COL4A3: variants seen among roughly 807,000 people sequenced by gnomAD.
COL4A3 encodes the protein collagen type IV alpha 3 chain.
A neutral mutation model predicts 217.4 loss-of-function variants in COL4A3; 135 were observed. The observed-to-expected ratio is 0.62, with a 90% CI of 0.54 to 0.72. The LOEUF is 0.72. Among genes scored for constraint, COL4A3 ranks in the 30% least tolerant of loss-of-function variants. COL4A3 has a pLI of 0.00. For synonymous variants in COL4A3, 690 were observed against 736.3 expected (o/e 0.94, Z 1.02); for missense variants, 1,868 against 2,119.9 (o/e 0.88, Z 2.33).
rs1274565571 is a variant in COL4A3, at chr2:227,164,690, TC to T, written c.-33del. The T allele has an allele frequency of 6.5e-7, 1 of 1,528,404 alleles. No homozygotes were observed. Among genetic ancestry groups the T allele is most frequent in the Non-Finnish European group, 8.7e-7 (1 of 1,144,540 alleles). The allele number at this position is 1,528,404 out of a possible 1,614,324, so 94.7% of individuals were successfully genotyped here. ...ACGCGGTGGCCTGAGAGCCTGAGGGTCCCCGGACTCGCCCAGGCTCTGAGCG... is the reference window on the plus strand; with the variant it reads ...ACGCGGTGGCCTGAGAGCCTGAGGGTCCCGGACTCGCCCAGGCTCTGAGCG... On this transcript the variant is annotated 5_prime_UTR_variant, in exon 1 of 52. Coordinates refer to ENST00000396578, the MANE Select transcript of COL4A3 (RefSeq NM_000091.5). The surrounding 1 kb of genome is among the most constrained non-coding windows in gnomAD (Gnocchi z 4.8).
intron 1 of COL4A3, among the ~76,000 whole-genome samples, chr2:227,208,001 G>T (rs986487303): frequency 7.9e-5 from 12 of 152,066 alleles, no homozygotes; most frequent in African/African-American, 2.7e-4. Flanking sequence ...TTGGAGTATT[G>T]GTTACTCTCT....
chr2:227,265,088 A>G (rs1440300466), intron 21 of COL4A3: 1 of 152,238 alleles, frequency 6.6e-6, no homozygotes, highest in Admixed American at 6.5e-5. Context: ...TTGAGGTCAA[A>G]GACTGTGTCT....
At chr2:227,225,570 T>C (rs13396314) in intron 1 of COL4A3, among the ~76,000 whole-genome samples, 12,877 of 152,022 alleles carry the variant, frequency 0.085, 851 homozygotes, top group African/African-American at 0.18. Flanking sequence ...GTGTGGCTAA[T>C]TTAGTGGTTC....
At chr2:227,236,238 T>C (rs1040153624) in intron 1 of COL4A3, among the ~76,000 whole-genome samples, 1 of 152,258 alleles carries the variant, frequency 6.6e-6, no homozygotes, top group Non-Finnish European at 1.5e-5. Context: ...GTATAATGAC[T>C]TATTTTCCTC....
intron 1 of COL4A3, among the ~76,000 whole-genome samples, chr2:227,214,386 A>T (rs191873713): frequency 7.4e-4 from 112 of 152,348 alleles, no homozygotes; most frequent in Admixed American, 1.0e-3. Context: ...CCTGTGTTAT[A>T]TATAGAGAAG....
At chr2:227,269,111 C>T (rs2071090080) in intron 23 of COL4A3, among the ~76,000 whole-genome samples, 1 of 152,066 alleles carries the variant, frequency 6.6e-6, no homozygotes, top group South Asian at 2.1e-4. Context: ...CCCAGAAGGT[C>T]ATTTAAAGGG....
intron 46 of COL4A3, 129 bp from the exon 47 acceptor site, chr2:227,304,856 C>A (rs2073437820): frequency 1.3e-6 from 1 of 773,318 alleles, no homozygotes; most frequent in Non-Finnish European, 2.2e-6. Context: ...TTGCCCAGGA[C>A]TGAGGATCTT....
chr2:227,185,855 C>A (rs931798851), intron 1 of COL4A3, among the ~76,000 whole-genome samples: 6 of 152,338 alleles, frequency 3.9e-5, no homozygotes, highest in African/African-American at 1.4e-4. Flanking sequence ...GTTGTAGCAT[C>A]TCAGTTCATT....
At chr2:227,257,993 CG>C (rs2070300833) in intron 18 of COL4A3, among the ~76,000 whole-genome samples, 1 of 152,142 alleles carries the variant, frequency 6.6e-6, no homozygotes, top group South Asian at 2.1e-4. Flanking sequence ...CACCTGGGCC[CG>C]GGTTATGACA....
chr2:227,306,892 G>A (rs2073526856), intron 47 of COL4A3, among the ~76,000 whole-genome samples: 6 of 152,064 alleles, frequency 3.9e-5, no homozygotes, highest in Admixed American at 3.3e-4. Flanking sequence ...AGCGTACAGT[G>A]GCAGCAGAAA....
chr2:227,219,002 CT>C (rs11461831), intron 1 of COL4A3, among the ~76,000 whole-genome samples: 24 of 147,862 alleles, frequency 1.6e-4, no homozygotes, highest in South Asian at 2.1e-4. Flanking sequence ...CCCATTATTT[CT>C]TTTTTTTTTT....
intron 6 of COL4A3, chr2:227,246,336 T>C: frequency 2.0e-6 from 1 of 505,434 alleles, no homozygotes; most frequent in Non-Finnish European, 3.6e-6. Flanking sequence ...ACTGAGCTTT[T>C]CACTGTTCAC....
At chr2:227,190,849 G>T (rs1320385629) in intron 1 of COL4A3, among the ~76,000 whole-genome samples, 3 of 152,214 alleles carry the variant, frequency 2.0e-5, no homozygotes, top group Non-Finnish European at 4.4e-5. Flanking sequence ...GAAGGTTTCA[G>T]TGAGCCAAGA....
rs927237679 is a variant in COL4A3 at position 227,302,982 on chromosome 2, G to A, written c.3883-56G>A. ...ATTTGCATTTTTAAAAAACTGCTGT[G>A]AATTGAGTGATTTTAAAAATTTGTT... is the stretch of plus-strand genomic sequence containing the variant. On this transcript the variant is annotated intron_variant, in intron 43 of 51. Transcript: ENST00000396578. 9 of 1,164,902 alleles carry A rather than the reference G, an allele frequency of 7.7e-6. No homozygotes were observed. In the Admixed American group the frequency reaches 1.4e-4, roughly 17 times the overall value. The allele number at this position is 1,164,902 out of a possible 1,614,324, so 72.2% of individuals were successfully genotyped here. A position where few individuals can be genotyped will look rare whatever the true frequency, so the allele number is the denominator to read the frequency against.
At chr2:227,236,225 T>C (rs147508365) in intron 1 of COL4A3, among the ~76,000 whole-genome samples, 10 of 152,372 alleles carry the variant, frequency 6.6e-5, no homozygotes, top group African/African-American at 2.4e-4. Flanking sequence ...AAGTGTATTT[T>C]TCGTATAATG....
intron 1 of COL4A3, among the ~76,000 whole-genome samples, chr2:227,235,812 C>T: frequency 7.7e-6 from 1 of 129,400 alleles, no homozygotes; most frequent in African/African-American, 3.0e-5. Flanking sequence ...TTGCTCTTGT[C>T]ACCCAGGCTT....
chr2:227,177,569 A>T (rs891855416), intron 1 of COL4A3, among the ~76,000 whole-genome samples: 1 of 152,172 alleles, frequency 6.6e-6, no homozygotes, highest in Non-Finnish European at 1.5e-5. Flanking sequence ...CCAATTATGT[A>T]TTTAGAAATA....
chr2:227,227,618 A>G (rs6728149), intron 1 of COL4A3, among the ~76,000 whole-genome samples: 119,484 of 151,982 alleles, frequency 0.79, 47,561 homozygotes, highest in Admixed American at 0.86. Flanking sequence ...TCAGATCCCC[A>G]CTCCCCATGT....
intron 1 of COL4A3, among the ~76,000 whole-genome samples, chr2:227,188,855 A>G (rs1388095740): frequency 1.3e-5 from 2 of 152,238 alleles, no homozygotes; most frequent in Non-Finnish European, 1.5e-5. Flanking sequence ...ACCTGTCCTC[A>G]TAGCTTCCAG....
Sources: allele counts gnomAD v4.1 joint callset (sites outside exome capture counted in the v4.1 genomes callset), GRCh38; gene constraint gnomAD v4.1.1; non-coding constraint Gnocchi (gnomAD v3.1); transcripts MANE v1.5; gene names NCBI Gene and HGNC (gene_info 2026-07-23, HGNC 2026-07-21).